The following NXPE4 variants were observed in gnomAD, a reference collection of about 807,000 sequenced individuals.
NXPE4 encodes neurexophilin and PC-esterase domain family member 4.
A neutral mutation model predicts 33.3 loss-of-function variants in NXPE4; 42 were observed. The observed-to-expected ratio is 1.26, with a 90% CI of 0.98 to 1.63. NXPE4 has a LOEUF of 1.63. Ranked by LOEUF, NXPE4 falls within the 40% of genes most tolerant of loss-of-function variation. NXPE4 has a pLI of 0.00. For synonymous variants in NXPE4, 253 were observed against 234.9 expected, an observed-to-expected ratio of 1.08 and a Z score of -0.71; for missense variants, 709 against 647.6, an observed-to-expected ratio of 1.09 and a Z score of -1.03.
intron 2 of NXPE4, among the ~76,000 whole-genome samples, chr11:114,592,020 T>A (rs1383147191): frequency 6.6e-6 from 1 of 152,160 alleles, no homozygotes; most frequent in African/African-American, 2.4e-5. Context: ...ATGGAAGAAA[T>A]GTACCTCAAA....
At chr11:114,577,523 C>A (rs1377642117) in intron 5 of NXPE4, among the ~76,000 whole-genome samples, 3 of 152,026 alleles carry the variant, frequency 2.0e-5, no homozygotes, top group African/African-American at 7.2e-5. Context: ...AACCAAACAC[C>A]ACCGGTTCCC....
At chr11:114,655,976 G>T in the NXPE4 span, among the ~76,000 whole-genome samples, 1 of 152,122 alleles carries the variant, frequency 6.6e-6, no homozygotes, top group East Asian at 1.9e-4. Context: ...TAGGAAGAGA[G>T]GAAGTCAAAT....
the NXPE4 span, among the ~76,000 whole-genome samples, chr11:114,666,846 A>G: frequency 2.0e-5 from 3 of 152,096 alleles, no homozygotes; most frequent in Admixed American, 2.0e-4. Context: ...GTCATAATGG[A>G]CAGAATTACC....
intron 2 of NXPE4, among the ~76,000 whole-genome samples, chr11:114,590,079 T>G (rs1949411383): frequency 6.6e-6 from 1 of 152,224 alleles, no homozygotes; most frequent in South Asian, 2.1e-4. Flanking sequence ...AAATGGATGG[T>G]GCTGCCTCAG....
At chr11:114,603,681 C>T in the NXPE4 span, among the ~76,000 whole-genome samples, 6 of 149,938 alleles carry the variant, frequency 4.0e-5, no homozygotes, top group African/African-American at 7.4e-5. Context: ...TTGGGTAACT[C>T]CTATTACCTG....
chr11:114,641,861 A>G, the NXPE4 span, among the ~76,000 whole-genome samples: 4 of 152,226 alleles, frequency 2.6e-5, no homozygotes, highest in African/African-American at 9.6e-5. Context: ...TATTTGGGGA[A>G]TAAAACAGGA....
chr11:114,583,990 C>A, intron 2 of NXPE4: 1 of 370,208 alleles, frequency 2.7e-6, no homozygotes, highest in South Asian at 2.4e-5. Context: ...TGGTCATGTC[C>A]AAAGTAATAG....
chr11:114,626,004 G>A, the NXPE4 span, among the ~76,000 whole-genome samples: 8 of 152,324 alleles, frequency 5.3e-5, no homozygotes, highest in South Asian at 2.1e-4. Flanking sequence ...ATTATATCCC[G>A]CATTTGGCTC....
intron 5 of NXPE4, among the ~76,000 whole-genome samples, chr11:114,574,931 C>T (rs536401314): frequency 2.5e-4 from 38 of 152,130 alleles, no homozygotes; most frequent in Admixed American, 5.9e-4. Context: ...AACATAGATG[C>T]TAAAATCCTC....
the NXPE4 span, among the ~76,000 whole-genome samples, chr11:114,634,970 C>T: frequency 6.6e-6 from 1 of 151,884 alleles, no homozygotes; most frequent in African/African-American, 2.4e-5. Flanking sequence ...TCCATATGAA[C>T]TTTAAAGTAG....
chr11:114,601,729 T>TA, the NXPE4 span, among the ~76,000 whole-genome samples: 231 of 72,964 alleles, frequency 3.2e-3, 7 homozygotes, highest in African/African-American at 0.012. Context: ...TATAATTATA[T>TA]ATTATATATA....
At chr11:114,649,355 G>A in the NXPE4 span, among the ~76,000 whole-genome samples, 1 of 152,148 alleles carries the variant, frequency 6.6e-6, no homozygotes. Context: ...CTGGTGAATG[G>A]ATAGACACAA....
At chr11:114,601,880 ATAATT>A in the NXPE4 span, among the ~76,000 whole-genome samples, 4 of 1,288 alleles carry the variant, frequency 3.1e-3, no homozygotes, top group Non-Finnish European at 3.4e-3. Flanking sequence ...TATATTATAT[ATAATT>A]ATATATTATA....
chr11:114,587,973 G>T (rs144489392), intron 2 of NXPE4, among the ~76,000 whole-genome samples: 44 of 152,254 alleles, frequency 2.9e-4, no homozygotes, highest in Non-Finnish European at 5.4e-4. Context: ...TTCTGTAGAT[G>T]GGACAGCAAA....
chr11:114,583,950 A>T, intron 2 of NXPE4: 1 of 391,452 alleles, frequency 2.6e-6, no homozygotes, highest in Non-Finnish European at 5.0e-6. Context: ...GATGGGATTG[A>T]TGATGAGTCC....
chr11:114,577,309 A>C (rs1949032793), intron 5 of NXPE4, among the ~76,000 whole-genome samples: 1 of 151,676 alleles, frequency 6.6e-6, no homozygotes, highest in African/African-American at 2.4e-5. Context: ...ATGGAAAACC[A>C]AGCATCGTAT....
the NXPE4 span, among the ~76,000 whole-genome samples, chr11:114,642,733 T>C: frequency 6.6e-6 from 1 of 152,066 alleles, no homozygotes; most frequent in East Asian, 1.9e-4. Context: ...TATGTGTGCA[T>C]GTGTCTTTAT....
the NXPE4 span, among the ~76,000 whole-genome samples, chr11:114,676,948 C>A: frequency 6.6e-6 from 1 of 151,988 alleles, no homozygotes; most frequent in Admixed American, 6.6e-5. Context: ...AGAAGGAAAT[C>A]TTGCCATTTG....
chr11:114,622,742 T>C, the NXPE4 span, among the ~76,000 whole-genome samples: 3 of 151,214 alleles, frequency 2.0e-5, no homozygotes, highest in Admixed American at 6.6e-5. Context: ...GTAACCACTG[T>C]TACCCAGCGG....
Sources: allele counts gnomAD v4.1 joint callset (sites outside exome capture counted in the v4.1 genomes callset), GRCh38; gene constraint gnomAD v4.1.1; transcripts MANE v1.5; gene names NCBI Gene and HGNC (gene_info 2026-07-23, HGNC 2026-07-21).